ENTHD1: variants seen among roughly 807,000 people sequenced by gnomAD.
The protein encoded by ENTHD1 is ENTH domain containing 1.
ENTHD1 carries 23 observed loss-of-function variants against 39.1 expected under a neutral mutation model. That is an observed-to-expected ratio of 0.59 (90% CI 0.42 to 0.83). The LOEUF (loss-of-function observed/expected upper bound fraction) is 0.83, where lower values mean the gene tolerates loss of function less well. Among genes scored for constraint, ENTHD1 ranks in the 40% least tolerant of loss-of-function variants. ENTHD1 has a pLI of 0.00. For synonymous variants in ENTHD1, 230 were observed against 258.2 expected (o/e 0.89, Z 1.05); for missense variants, 624 against 705.4 (o/e 0.88, Z 1.31).
chr22:39,842,224 C>T (rs894131092), intron 3 of ENTHD1, among the ~76,000 whole-genome samples: 21 of 151,910 alleles, frequency 1.4e-4, no homozygotes, highest in Non-Finnish European at 7.4e-5. Context: ...CTTGGAGTTG[C>T]TCTTCTCGAG....
intron 6 of ENTHD1, among the ~76,000 whole-genome samples, chr22:39,762,057 G>C (rs747918776): frequency 7.2e-5 from 11 of 152,146 alleles, no homozygotes; most frequent in Non-Finnish European, 1.5e-4. Flanking sequence ...CCTCTAAAGA[G>C]CACTGATTTT....
intron 3 of ENTHD1, among the ~76,000 whole-genome samples, chr22:39,851,626 G>A (rs1263443821): frequency 6.6e-6 from 1 of 152,130 alleles, no homozygotes; most frequent in Non-Finnish European, 1.5e-5. Flanking sequence ...GAGGGTCTGG[G>A]TTCAGCATAG....
At chr22:39,806,653 T>G (rs1030696431) in intron 5 of ENTHD1, among the ~76,000 whole-genome samples, 6 of 152,036 alleles carry the variant, frequency 3.9e-5, no homozygotes, top group Non-Finnish European at 7.4e-5. Context: ...CTCAAAAAAC[T>G]ACAGTGGCTT....
chr22:39,857,268 C>T (rs974775794), intron 3 of ENTHD1, among the ~76,000 whole-genome samples: 17 of 151,640 alleles, frequency 1.1e-4, no homozygotes, highest in Non-Finnish European at 7.4e-5. Flanking sequence ...CATGAAGGAA[C>T]CCCGTCTCTA....
rs1321517205 is a variant in ENTHD1, at chr22:39,874,360, G to A, written c.350-12353C>T. ...CTTGTTTGGAGGTCCTAAAAAGGGA[G>A]TGCAGCTACTCCTATACCCTTGACC... is the stretch of plus-strand genomic sequence containing the variant. On this transcript the variant is annotated intron_variant, in intron 2 of 6. Transcript: ENST00000325157. 2.6e-5 allele frequency: 4 copies of A among 152,182 alleles called. 1 individual carries two copies. The highest frequency in any genetic ancestry group is 5.9e-5 in the Non-Finnish European group (4 of 68,036). The allele number at this position is 152,182 out of a possible 1,614,324, so 9.4% of individuals were successfully genotyped here. A position where few individuals can be genotyped will look rare whatever the true frequency, so the allele number is the denominator to read the frequency against.
chr22:39,832,449 G>A (rs1010445415), intron 4 of ENTHD1, among the ~76,000 whole-genome samples: 2 of 152,154 alleles, frequency 1.3e-5, no homozygotes, highest in African/African-American at 4.8e-5. Context: ...GTTTTAAAAA[G>A]CTGCTGAAAG....
intron 3 of ENTHD1, among the ~76,000 whole-genome samples, chr22:39,856,766 T>C (rs561399647): frequency 6.6e-6 from 1 of 151,538 alleles, no homozygotes; most frequent in Non-Finnish European, 1.5e-5. Flanking sequence ...GCCAGGAGGA[T>C]TACTTGAGTC....
At chr22:39,792,531 A>G (rs745740677) in intron 5 of ENTHD1, among the ~76,000 whole-genome samples, 4 of 152,118 alleles carry the variant, frequency 2.6e-5, no homozygotes, top group Non-Finnish European at 4.4e-5. Context: ...AAAATTGCAA[A>G]TCTGTGCTGA....
At chr22:39,879,402 G>T (rs1247780725) in intron 2 of ENTHD1, among the ~76,000 whole-genome samples, 1 of 147,960 alleles carries the variant, frequency 6.8e-6, no homozygotes, top group East Asian at 2.0e-4. Flanking sequence ...GGCAGAGCTT[G>T]CGGTGAGCCA....
intron 3 of ENTHD1, 68 bp downstream of exon 3, chr22:39,861,697 T>C: frequency 8.1e-7 from 1 of 1,227,232 alleles, no homozygotes; most frequent in Non-Finnish European, 1.1e-6. Flanking sequence ...TAAAACATAA[T>C]ATTTTATATT....
At chr22:39,752,206 T>C (rs1194761206) in intron 6 of ENTHD1, among the ~76,000 whole-genome samples, 1 of 152,152 alleles carries the variant, frequency 6.6e-6, no homozygotes, top group African/African-American at 2.4e-5. Context: ...ATATATATCT[T>C]GTTACAATGG....
At chr22:39,748,737 T>C (rs1291197754) in intron 6 of ENTHD1, among the ~76,000 whole-genome samples, 1 of 152,162 alleles carries the variant, frequency 6.6e-6, no homozygotes, top group Non-Finnish European at 1.5e-5. Flanking sequence ...TGTTATCATA[T>C]ATATTTAAAG....
chr22:39,880,074 T>G (rs914943864), intron 2 of ENTHD1, among the ~76,000 whole-genome samples: 2 of 152,142 alleles, frequency 1.3e-5, no homozygotes, highest in Admixed American at 1.3e-4. Context: ...CAAAAAATTT[T>G]AAAATGAGCT....
At chr22:39,780,720 C>T (rs575857907) in intron 5 of ENTHD1, among the ~76,000 whole-genome samples, 1 of 152,144 alleles carries the variant, frequency 6.6e-6, no homozygotes, top group South Asian at 2.1e-4. Context: ...AATATTAGGC[C>T]GGGCACGGTG....
chr22:39,811,568 G>A (rs2065686276), intron 5 of ENTHD1, among the ~76,000 whole-genome samples: 1 of 152,224 alleles, frequency 6.6e-6, no homozygotes, highest in African/African-American at 2.4e-5. Context: ...CCCTGATAAA[G>A]ACTGAATGCT....
At chr22:39,858,993 C>A (rs1015888968) in intron 3 of ENTHD1, among the ~76,000 whole-genome samples, 7 of 152,230 alleles carry the variant, frequency 4.6e-5, no homozygotes, top group Non-Finnish European at 1.0e-4. Flanking sequence ...TAGCCCCCTT[C>A]ATCAATTACC....
intron 5 of ENTHD1, among the ~76,000 whole-genome samples, chr22:39,801,165 T>TACTAAGC (rs1340376763): frequency 6.6e-6 from 1 of 152,268 alleles, no homozygotes. Flanking sequence ...TAATTATCAT[T>TACTAAGC]ACTAAGCACT....
chr22:39,856,813 A>C lies in ENTHD1; in HGVS notation c.592+4952T>G, dbSNP rs117089273. ...GGCTGCAGTGAGTCATTATCACACC[A>C]CTGCGCTCCTGCCGGGGTGACAGAG... On this transcript the variant is annotated intron_variant, in intron 3 of 6. Transcript: ENST00000325157. 1.4e-4 allele frequency among the ~76,000 whole-genome samples: 21 copies of C among 150,186 alleles called. No homozygotes were observed. In the East Asian group the frequency reaches 3.9e-3, roughly 28 times the overall value.
rs1268393110 is a variant in ENTHD1 at position 39,875,657 on chromosome 22, G to C, written c.349+11743C>G. 4.3e-6 allele frequency: 7 copies of C among 1,612,122 alleles called. No individual in the cohort carries two copies. In the African/African-American group the frequency reaches 8.0e-5, roughly 18 times the overall value. The stretch of plus-strand genomic sequence containing the variant: ...CTATTTGGTAACTGGAGTAACTACT[G>C]TGGGTGTCGCATATGCTGCCAAGAA... On this transcript the variant is annotated intron_variant, in intron 2 of 6. Coordinates refer to ENST00000325157, the MANE Select transcript of ENTHD1 (RefSeq NM_152512.4).
Sources: gnomAD v4.1 joint callset for allele counts (sites outside exome capture counted in the v4.1 genomes callset) on GRCh38, gnomAD v4.1.1 for gene constraint, MANE v1.5 for transcripts, NCBI Gene and HGNC (gene_info 2026-07-23, HGNC 2026-07-21) for gene names.